Variants in NT5DC1 observed in about 807,000 individuals in gnomAD.
The protein encoded by NT5DC1 is 5'-nucleotidase domain-containing protein 1.
NT5DC1 carries 42 observed loss-of-function variants against 59.4 expected under a neutral mutation model. The observed-to-expected ratio is 0.71, with a 90% CI of 0.55 to 0.92. The LOEUF is 0.92. NT5DC1 is among the 40% of genes least tolerant of loss of function. The probability of loss-of-function intolerance (pLI) is 0.00; values close to 1 mark genes in which losing one functional copy is unlikely to be tolerated. For synonymous variants in NT5DC1, 172 were observed against 188.1 expected, an observed-to-expected ratio of 0.91 and a Z score of 0.70; for missense variants, 501 against 537.1, an observed-to-expected ratio of 0.93 and a Z score of 0.66.
At chr6:116,163,613 T>C (rs1237300613) in intron 6 of NT5DC1, among the ~76,000 whole-genome samples, 1 of 152,156 alleles carries the variant, frequency 6.6e-6, no homozygotes, top group East Asian at 1.9e-4. Context: ...TTAGTCTCAA[T>C]TGTATTTAGT....
intron 1 of NT5DC1, among the ~76,000 whole-genome samples, chr6:116,101,429 C>G (rs1399546672): frequency 6.7e-6 from 1 of 149,516 alleles, no homozygotes; most frequent in Non-Finnish European, 1.5e-5. Context: ...GACACAGCCA[C>G]TTGATTTGGT....
chr6:116,160,684 A>G (rs904070379), intron 6 of NT5DC1, among the ~76,000 whole-genome samples: 1 of 152,168 alleles, frequency 6.6e-6, no homozygotes, highest in Admixed American at 6.5e-5. Flanking sequence ...TTCGTCATAA[A>G]TTCTTTGCCT....
chr6:116,219,223 T>C (rs926210174), intron 6 of NT5DC1, among the ~76,000 whole-genome samples: 4 of 152,210 alleles, frequency 2.6e-5, no homozygotes, highest in African/African-American at 4.8e-5. Context: ...TCCTTTCATA[T>C]GTCCACTCCG....
At chr6:116,166,857 T>C (rs1425869723) in intron 6 of NT5DC1, among the ~76,000 whole-genome samples, 1 of 152,200 alleles carries the variant, frequency 6.6e-6, no homozygotes, top group Non-Finnish European at 1.5e-5. Flanking sequence ...AATTCTGAAA[T>C]GTCTGGAATC....
At chr6:116,231,155 C>CA (rs1782012870) in intron 8 of NT5DC1, among the ~76,000 whole-genome samples, 2 of 147,324 alleles carry the variant, frequency 1.4e-5, no homozygotes, top group South Asian at 4.4e-4. Flanking sequence ...AAATCCCCCC[C>CA]CCAAACCAAA....
At chr6:116,131,221 C>T (rs1779453767) in intron 6 of NT5DC1, among the ~76,000 whole-genome samples, 1 of 152,064 alleles carries the variant, frequency 6.6e-6, no homozygotes, top group African/African-American at 2.4e-5. Flanking sequence ...CACCAAGAGC[C>T]AATATAAGCC....
chr6:116,162,753 T>C (rs1303934305), intron 6 of NT5DC1, among the ~76,000 whole-genome samples: 1 of 152,184 alleles, frequency 6.6e-6, no homozygotes, highest in East Asian at 1.9e-4. Flanking sequence ...GTGTTATCCT[T>C]GCTGGATCTT....
chr6:116,100,906 G>C lies in NT5DC1; in HGVS notation c.-25G>C, dbSNP rs776896486. 3 of 1,574,206 alleles carry C rather than the reference G, an allele frequency of 1.9e-6. No individual in the cohort carries two copies. The highest frequency in any genetic ancestry group is 1.7e-5 in the Admixed American group (1 of 57,696). ...TCCTTGCACCCTTCGCGGCCGAGGC[G>C]CTCCCTGGTGCTCCCCGCGCAGCCA... On this transcript the variant is annotated 5_prime_UTR_variant, in exon 1 of 12. Transcript: ENST00000319550.
rs748559862 is a variant in NT5DC1, at chr6:116,223,076, A to C, written c.747A>C (p.Ala249=). The change falls in exon 8 of 12, where the codon GCA becomes GCC. Residue 249 remains alanine (A), a synonymous_variant. Transcript: ENST00000319550. Reference sequence around the variant, plus strand: ...TTTTTGACATTGTGATTACAAATGCATTGAAGCCTGGTTTCTTCTCCCACT... The same window carrying C: ...TTTTTGACATTGTGATTACAAATGCCTTGAAGCCTGGTTTCTTCTCCCACT... ...TDLFDIVITN[A]LKPGFFSHLP... is the part of the protein sequence containing the mutation. 6.2e-7 allele frequency: 1 copy of C among 1,608,638 alleles called. No homozygotes were observed. Among genetic ancestry groups the C allele is most frequent in the Non-Finnish European group, 8.5e-7 (1 of 1,175,322 alleles).
chr6:116,240,627 A>C (rs1469663345), intron 11 of NT5DC1, among the ~76,000 whole-genome samples: 1 of 152,238 alleles, frequency 6.6e-6, no homozygotes, highest in Non-Finnish European at 1.5e-5. Context: ...AAATGAAACA[A>C]AATGAAGAAA....
At chr6:116,195,000 C>T (rs1781195013) in intron 6 of NT5DC1, among the ~76,000 whole-genome samples, 1 of 152,064 alleles carries the variant, frequency 6.6e-6, no homozygotes, top group Admixed American at 6.6e-5. Flanking sequence ...CCTAAAGTTA[C>T]CTCACCTTCA....
rs1782176424 is a variant in NT5DC1 at position 116,238,998 on chromosome 6, G to A, written c.1127G>A (p.Gly376Asp). 3.1e-6 allele frequency: 5 copies of A among 1,606,854 alleles called. No individual in the cohort carries two copies. The African/African-American group carries it at 4.0e-5, about 13-fold the overall frequency. ...TTAAATACTTCATCTAAAAAATGGG[G>A]CTCTTTTTTTATTGATTCAGTTTTG... ...KPLNTSSKKWGSFFIDSVLGL... is the reference protein window; with the variant it reads ...KPLNTSSKKWDSFFIDSVLGL... The change falls in exon 11 of 12, where the codon GGC becomes GAC. Residue 376 changes from glycine to aspartate, a missense_variant. Physicochemically the swap from Gly to Asp is moderately conservative, Grantham distance 94. Coordinates refer to ENST00000319550, the MANE Select transcript of NT5DC1 (RefSeq NM_152729.3).
intron 6 of NT5DC1, among the ~76,000 whole-genome samples, chr6:116,212,801 G>T (rs1781605709): frequency 1.3e-5 from 2 of 151,996 alleles, no homozygotes. Context: ...TTTCATATTT[G>T]AACTAGATGA....
At chr6:116,174,459 C>T (rs1055033915) in intron 6 of NT5DC1, among the ~76,000 whole-genome samples, 1 of 152,178 alleles carries the variant, frequency 6.6e-6, no homozygotes, top group Non-Finnish European at 1.5e-5. Context: ...AAATAACCAA[C>T]TTAAATTATG....
chr6:116,122,841 A>T lies in NT5DC1; in HGVS notation c.529+4896A>T, dbSNP rs924962410. 2.0e-5 allele frequency among the ~76,000 whole-genome samples: 3 copies of T among 152,348 alleles called. No individual in the cohort carries two copies. In the East Asian group the frequency reaches 5.8e-4, roughly 29 times the overall value. On this transcript the variant is annotated intron_variant, in intron 6 of 11. Transcript: ENST00000319550. The stretch of plus-strand genomic sequence containing the variant: ...AGATTTTTTTTTACTAATTAGAGTT[A>T]TATTTCAATTTGAAAACATTGATTA...
At chr6:116,125,568 A>G in intron 6 of NT5DC1, 10 of 1,489,624 alleles carry the variant, frequency 6.7e-6, no homozygotes, top group South Asian at 1.1e-5. Flanking sequence ...TTTTATTCTC[A>G]TGTTTCACAG....
chr6:116,181,035 T>C (rs184549713), intron 6 of NT5DC1, among the ~76,000 whole-genome samples: 1 of 152,022 alleles, frequency 6.6e-6, no homozygotes, highest in African/African-American at 2.4e-5. Context: ...TTAAAGGTAT[T>C]TTGGGATGAA....
intron 6 of NT5DC1, among the ~76,000 whole-genome samples, chr6:116,132,008 T>C (rs563687333): frequency 6.6e-6 from 1 of 152,342 alleles, no homozygotes; most frequent in South Asian, 2.1e-4. Context: ...CATTATCTTA[T>C]TGTTTTTTAT....
chr6:116,100,897 G>C lies in NT5DC1; in HGVS notation c.-34G>C. 2 of 1,549,194 alleles carry C rather than the reference G, an allele frequency of 1.3e-6. No homozygotes were observed. Among genetic ancestry groups the C allele is most frequent in the East Asian group, 2.4e-5 (1 of 40,960 alleles). The stretch of plus-strand genomic sequence containing the variant: ...CCAGCCAGCTCCTTGCACCCTTCGC[G>C]GCCGAGGCGCTCCCTGGTGCTCCCC... On this transcript the variant is annotated 5_prime_UTR_variant, in exon 1 of 12. Coordinates refer to ENST00000319550, the MANE Select transcript of NT5DC1 (RefSeq NM_152729.3).
Sources: gnomAD v4.1 joint callset for allele counts (sites outside exome capture counted in the v4.1 genomes callset) on GRCh38, gnomAD v4.1.1 for gene constraint, MANE v1.5 for transcripts, NCBI Gene and HGNC (gene_info 2026-07-23, HGNC 2026-07-21) for gene names.